Variants in CLCC1 observed in about 807,000 individuals in gnomAD.
The protein encoded by CLCC1 is chloride channel CLIC-like protein 1.
In CLCC1, 39 loss-of-function variants were observed where a neutral mutation model predicts 63.3. The observed-to-expected ratio is 0.62, with a 90% confidence interval of 0.48 to 0.81. CLCC1 has a LOEUF of 0.81. Among genes scored for constraint, CLCC1 ranks in the 30% least tolerant of loss-of-function variants. The pLI is 0.00. For missense variants in CLCC1, 549 were observed against 669.4 expected (o/e 0.82, Z 1.98); for synonymous variants, 217 against 239.8 (o/e 0.90, Z 0.88).
chr1:108,954,587 C>A (rs565160953), intron 2 of CLCC1, among the ~76,000 whole-genome samples: 1 of 151,044 alleles, frequency 6.6e-6, no homozygotes, highest in South Asian at 2.1e-4. Flanking sequence ...GAGGCTGAAG[C>A]AGAAAAAAGA....
Position 108,944,050 on chromosome 1 carries a change from T to C in CLCC1, c.347A>G (p.Glu116Gly), listed in dbSNP as rs751963287. Residue 116 changes from glutamate to glycine, a missense_variant, in exon 6 of 13, where the codon GAA becomes GGA. Physicochemically the swap from Glu to Gly is moderately conservative, Grantham distance 98 (BLOSUM62 -2). Coordinates refer to ENST00000369969, the MANE Select transcript of CLCC1 (RefSeq NM_001377458.1). ...IEAGKLGLPD[E>G]NKGDMHYDAE... The stretch of plus-strand genomic sequence containing the variant: ...ATCATAATGCATATCGCCTTTGTTT[T>C]CATCAGGCTAAATTAAATTTACCAA... 9.5e-6 allele frequency: 15 copies of C among 1,580,302 alleles called. No homozygotes were observed. The highest frequency in any genetic ancestry group is 1.2e-5 in the Non-Finnish European group (14 of 1,164,672).
intron 11 of CLCC1, among the ~76,000 whole-genome samples, chr1:108,935,156 T>A (rs952960953): frequency 5.9e-5 from 9 of 152,228 alleles, no homozygotes; most frequent in African/African-American, 2.2e-4. Context: ...TTAGCGCATA[T>A]ACTGGGTGGT....
At position 108,931,628 on chromosome 1, in the gene CLCC1, T is replaced by TAAA. The variant is rs71593448; in HGVS notation, c.*916_*918dup. On this transcript the variant is annotated 3_prime_UTR_variant, in exon 13 of 13. Coordinates refer to ENST00000369969, the MANE Select transcript of CLCC1 (RefSeq NM_001377458.1). ...GAATTAATTACATTAAGTGCTCAGC[T>TAAA]AAAAAAAAAAAAAAAGTTCTAAATT... is the stretch of plus-strand genomic sequence containing the variant. 13,072 of 809,510 alleles carry TAAA rather than the reference T, an allele frequency of 0.016. 207 individuals are homozygous for TAAA. Among genetic ancestry groups the TAAA allele is most frequent in the African/African-American group, 0.082 (4,238 of 51,580 alleles). 50.1% of individuals were successfully genotyped at this position (809,510 alleles called of 1,614,324 possible).
intron 2 of CLCC1, among the ~76,000 whole-genome samples, chr1:108,960,143 AC>A (rs1342375743): frequency 6.6e-6 from 1 of 152,194 alleles, no homozygotes; most frequent in Admixed American, 6.5e-5. Flanking sequence ...CAATTAAAAA[AC>A]AAACAAACAA....
intron 5 of CLCC1, among the ~76,000 whole-genome samples, chr1:108,946,477 T>TA (rs1654556084): frequency 6.6e-6 from 1 of 152,228 alleles, no homozygotes; most frequent in South Asian, 2.1e-4. Flanking sequence ...ATTTCCAGAA[T>TA]AAGGTGGCGT....
At chr1:108,938,739 A>G (rs989848223) in intron 10 of CLCC1, among the ~76,000 whole-genome samples, 3 of 152,070 alleles carry the variant, frequency 2.0e-5, no homozygotes, top group Non-Finnish European at 4.4e-5. Flanking sequence ...TCAATGCTCT[A>G]CCCTTCTCAC....
intron 1 of CLCC1, 37 bp downstream of exon 1, chr1:108,963,324 C>T (rs1382279797): frequency 2.9e-6 from 2 of 688,598 alleles, no homozygotes; most frequent in African/African-American, 1.8e-5. Context: ...TAACCCGCCC[C>T]ACCCGCCGCA....
chr1:108,936,349 G>A (rs1404177943), intron 11 of CLCC1, among the ~76,000 whole-genome samples: 3 of 152,100 alleles, frequency 2.0e-5, no homozygotes, highest in Non-Finnish European at 4.4e-5. Context: ...CGCCTGCCTC[G>A]GCCTCCCAGT....
At chr1:108,935,083 A>T (rs1371063672) in intron 11 of CLCC1, 141 bp from the exon 12 acceptor site, 5 of 780,888 alleles carry the variant, frequency 6.4e-6, no homozygotes, top group Non-Finnish European at 1.0e-5. Flanking sequence ...CTGGGTTATA[A>T]TTATATAAAT....
At chr1:108,956,882 A>G (rs486288) in intron 2 of CLCC1, among the ~76,000 whole-genome samples, 48 of 104,460 alleles carry the variant, frequency 4.6e-4, no homozygotes, top group African/African-American at 7.8e-4. Flanking sequence ...GCTGGGAGGC[A>G]GGGAGGCGGG....
chr1:108,934,935 G>A lies in CLCC1; in HGVS notation c.1391C>T (p.Ser464Leu), dbSNP rs938565764. The A allele has an allele frequency of 5.6e-6, 9 of 1,607,616 alleles. No individual in the cohort carries two copies. In the Admixed American group the frequency reaches 6.7e-5, roughly 12 times the overall value. ...CTTGGGCTTTGTATCCAAAACAGGT[G>A]ATTTATGCTATAAAGTACAAAATTA... ...EHPTVVPSHK[S>L]PVLDTKPKET... The change falls in exon 12 of 13, where the codon TCA becomes TTA. Residue 464 changes from serine (S) to leucine (L), a missense_variant. Ser to Leu is a moderately radical substitution (Grantham distance 145). Transcript: ENST00000369969.
rs1429406912 is a variant in CLCC1, at chr1:108,937,057, TAA to T, written c.1383+18_1383+19del. 11 of 1,463,094 alleles carry T rather than the reference TAA, an allele frequency of 7.5e-6. No individual in the cohort carries two copies. Among genetic ancestry groups the T allele is most frequent in the South Asian group, 3.1e-5 (2 of 65,132 alleles). 90.6% of individuals were successfully genotyped at this position (1,463,094 alleles called of 1,614,324 possible). Reference sequence around the variant, plus strand: ...AACCAGTAATGAAGGGACAGCAGAATAAAAGAGTTGCTGACTTACACTGGGTA... The same window carrying T: ...AACCAGTAATGAAGGGACAGCAGAATAAGAGTTGCTGACTTACACTGGGTA... On this transcript the variant is annotated intron_variant, in intron 11 of 12. Transcript: ENST00000369969.
rs546311673 is a variant in CLCC1 at position 108,944,058 on chromosome 1, CTAAAT to C, written c.340-6_340-2del. 67 of 1,568,540 alleles carry C rather than the reference CTAAAT, an allele frequency of 4.3e-5. 1 individual carries two copies. In the African/African-American group the frequency reaches 8.0e-4, roughly 19 times the overall value. ...GCATATCGCCTTTGTTTTCATCAGGCTAAATTAAATTTACCAAAAAACAAACAATA... is the reference window on the plus strand; with the variant it reads ...GCATATCGCCTTTGTTTTCATCAGGCTAAATTTACCAAAAAACAAACAATA... On this transcript the variant is annotated splice_acceptor_variant and splice_polypyrimidine_tract_variant and intron_variant, in intron 5 of 12. Transcript: ENST00000369969. LOFTEE classifies it high-confidence loss of function.
At chr1:108,942,998 C>A (rs1276158468) in intron 7 of CLCC1, among the ~76,000 whole-genome samples, 2 of 151,940 alleles carry the variant, frequency 1.3e-5, no homozygotes, top group Non-Finnish European at 2.9e-5. Flanking sequence ...TCACTGCAAC[C>A]TCTCAGGTTC....
At position 108,934,702 on chromosome 1, in the gene CLCC1, C is replaced by T. The variant is rs931676632; in HGVS notation, c.1624G>A (p.Gly542Arg). ...CAGGGGCTGCTGACCGGATCCTGTCCACGTGGTCCAGCCACACCTCTTGCG... is the reference window on the plus strand; with the variant it reads ...CAGGGGCTGCTGACCGGATCCTGTCTACGTGGTCCAGCCACACCTCTTGCG... ...SPARGVAGPR[G>R]QDPVSSPCG The change falls in exon 12 of 13, where the codon GGA becomes AGA. Residue 542 changes from glycine to arginine, a missense_variant. Physicochemically the swap from Gly to Arg is moderately radical, Grantham distance 125 (BLOSUM62 -2). Coordinates refer to ENST00000369969, the MANE Select transcript of CLCC1 (RefSeq NM_001377458.1). The T allele has an allele frequency of 1.9e-6, 3 of 1,613,806 alleles. No individual in the cohort carries two copies. The highest frequency in any genetic ancestry group is 1.7e-5 in the Admixed American group (1 of 60,016).
At chr1:108,952,170 C>T (rs576715124) in intron 2 of CLCC1, among the ~76,000 whole-genome samples, 1 of 105,382 alleles carries the variant, frequency 9.5e-6, no homozygotes, top group Non-Finnish European at 2.0e-5. Context: ...GAATCTCCCC[C>T]CTATTTTTGG....
At position 108,943,550 on chromosome 1, in the gene CLCC1, C is replaced by T; in HGVS notation, c.627G>A (p.Trp209Ter). The T allele has an allele frequency of 6.2e-7, 1 of 1,613,984 alleles. No individual in the cohort carries two copies. Among genetic ancestry groups the T allele is most frequent in the South Asian group, 1.1e-5 (1 of 91,078 alleles). The change falls in exon 7 of 13, where the codon TGG becomes TGA. Residue 209 changes from tryptophan to a stop codon, truncating the protein, a stop_gained. Coordinates refer to ENST00000369969, the MANE Select transcript of CLCC1 (RefSeq NM_001377458.1). LOFTEE classifies it high-confidence loss of function. The part of the protein sequence containing the change: ...VATELWTYVR[W>*]YTQLRRVLII... ...TTAAAACACGTCTCAACTGAGTGTA[C>T]CAACGTACATATGTCCACAGCTCAG...
chr1:108,934,491 A>G (rs1040377311), intron 12 of CLCC1, 134 bp downstream of exon 12: 7 of 653,944 alleles, frequency 1.1e-5, no homozygotes, highest in African/African-American at 5.4e-5. Flanking sequence ...TTTTACATAT[A>G]TAACGTGTTT....
Position 108,931,502 on chromosome 1 carries a change from G to T in CLCC1, c.*1045C>A. ...TGTGCACAGCTGGGATGGGATCTGG[G>T]GATGTGGACCCCTATTCTTTCAAAA... On this transcript the variant is annotated 3_prime_UTR_variant, in exon 13 of 13. Coordinates refer to ENST00000369969, the MANE Select transcript of CLCC1 (RefSeq NM_001377458.1). The T allele has an allele frequency of 1.3e-6, 2 of 1,547,742 alleles. No homozygotes were observed. Among genetic ancestry groups the T allele is most frequent in the Non-Finnish European group, 8.7e-7 (1 of 1,145,644 alleles).
Sources: gnomAD v4.1 joint callset for allele counts (sites outside exome capture counted in the v4.1 genomes callset) on GRCh38, gnomAD v4.1.1 for gene constraint, MANE v1.5 for transcripts, NCBI Gene and HGNC (gene_info 2026-07-23, HGNC 2026-07-21) for gene names.